Variants in SEMA5A observed in about 807,000 individuals in gnomAD.
The protein encoded by SEMA5A is semaphorin 5A, also known as semaphorin-5A.
SEMA5A carries 55 observed loss-of-function variants against 135.5 expected under a neutral mutation model. The observed-to-expected ratio is 0.41, with a 90% CI of 0.33 to 0.51. The LOEUF (loss-of-function observed/expected upper bound fraction) is 0.51. Ranked by LOEUF, SEMA5A falls within the 20% of genes least tolerant of loss-of-function variation. The pLI is 0.37. For missense variants in SEMA5A, 1,290 were observed against 1,419.9 expected (o/e 0.91, Z 1.47); for synonymous variants, 580 against 546.5 (o/e 1.06, Z -0.85).
chr5:9,235,877 G>A (rs1747881293), intron 6 of SEMA5A, among the ~76,000 whole-genome samples: 1 of 152,168 alleles, frequency 6.6e-6, no homozygotes, highest in South Asian at 2.1e-4. Flanking sequence ...GCTAATACCT[G>A]AGACTGGGTA....
rs1192101637 is a variant in SEMA5A, at chr5:9,041,388, G to A, written c.*1509C>T. On this transcript the variant is annotated 3_prime_UTR_variant, in exon 23 of 23. Transcript: ENST00000382496. ...CCCAGGACTTTATCACATGCTCAGA[G>A]GCATCAGATGAACTTTTTCAGTCGT... 6 of 152,116 alleles carry A rather than the reference G, an allele frequency of 3.9e-5. No individual in the cohort carries two copies. Among genetic ancestry groups the A allele is most frequent in the Admixed American group, 3.3e-4 (5 of 15,270 alleles). The allele number at this position is 152,116 out of a possible 1,614,324, so 9.4% of individuals were successfully genotyped here. A position where few individuals can be genotyped will look rare whatever the true frequency, so the allele number is the denominator to read the frequency against.
chr5:9,481,629 T>G (rs1442345543), intron 1 of SEMA5A, among the ~76,000 whole-genome samples: 1 of 152,238 alleles, frequency 6.6e-6, no homozygotes, highest in Non-Finnish European at 1.5e-5. Flanking sequence ...TTCTACCATA[T>G]ATTTTACTTC....
At chr5:9,227,717 A>AT (rs1332661793) in intron 6 of SEMA5A, among the ~76,000 whole-genome samples, 1 of 151,138 alleles carries the variant, frequency 6.6e-6, no homozygotes, top group Non-Finnish European at 1.5e-5. Context: ...CGCCCGGCCA[A>AT]TTTTTTGTAT....
chr5:9,152,460 G>A lies in SEMA5A; in HGVS notation c.1481+2028C>T, dbSNP rs1009677877. Among the ~76,000 whole-genome samples, 6 of 152,258 alleles carry A rather than the reference G, an allele frequency of 3.9e-5. No homozygotes were observed. In the East Asian group the frequency reaches 1.2e-3, roughly 29 times the overall value. ...AAATTTAGGAAGTAAGCATATATAAGAATGGCAGTTAATAAATACCACTAG... is the reference window on the plus strand; with the variant it reads ...AAATTTAGGAAGTAAGCATATATAAAAATGGCAGTTAATAAATACCACTAG... On this transcript the variant is annotated intron_variant, in intron 12 of 22. Transcript: ENST00000382496.
At chr5:9,318,568 T>G in intron 4 of SEMA5A, 151 bp from the exon 5 acceptor site, 1 of 646,842 alleles carries the variant, frequency 1.5e-6, no homozygotes, top group Non-Finnish European at 2.6e-6. Flanking sequence ...TCCTTGGATC[T>G]TAGAGTACAA....
chr5:9,513,177 G>GTT (rs143009689), intron 1 of SEMA5A, among the ~76,000 whole-genome samples: 4 of 151,032 alleles, frequency 2.6e-5, no homozygotes, highest in South Asian at 2.1e-4. Context: ...CTCAAGATAT[G>GTT]TTTTTTTAAA....
At chr5:9,226,995 A>AT (rs1747349535) in intron 6 of SEMA5A, 28 bp from the exon 7 acceptor site, 15 of 1,171,934 alleles carry the variant, frequency 1.3e-5, no homozygotes, top group East Asian at 1.3e-4. Flanking sequence ...AATTAATTAA[A>AT]AATATATATA....
chr5:9,073,658 T>A (rs1737889065), intron 16 of SEMA5A, among the ~76,000 whole-genome samples: 1 of 152,078 alleles, frequency 6.6e-6, no homozygotes, highest in Non-Finnish European at 1.5e-5. Context: ...AAGTAAGAAA[T>A]AATTATATTT....
chr5:9,084,685 G>C (rs1738583692), intron 16 of SEMA5A, among the ~76,000 whole-genome samples: 1 of 151,972 alleles, frequency 6.6e-6, no homozygotes, highest in Non-Finnish European at 1.5e-5. Flanking sequence ...CCTTGTCTTG[G>C]GTATGTCTTT....
intron 2 of SEMA5A, among the ~76,000 whole-genome samples, chr5:9,403,969 C>G (rs61187771): frequency 0.038 from 5,796 of 152,296 alleles, 147 homozygotes; most frequent in Middle Eastern, 0.089. Context: ...AAGTCTCGCT[C>G]TGTTGCCCAG....
intron 5 of SEMA5A, among the ~76,000 whole-genome samples, chr5:9,255,043 T>C (rs1748992077): frequency 6.6e-6 from 1 of 152,176 alleles, no homozygotes; most frequent in South Asian, 2.1e-4. Context: ...CAAAAGGTTA[T>C]GAATCTGATC....
At chr5:9,139,515 C>T (rs1334841538) in intron 12 of SEMA5A, among the ~76,000 whole-genome samples, 2 of 152,202 alleles carry the variant, frequency 1.3e-5, no homozygotes, top group African/African-American at 4.8e-5. Context: ...TAGGTTAAGG[C>T]TTAGCATAGA....
chr5:9,217,958 C>T (rs1746724670), intron 8 of SEMA5A, among the ~76,000 whole-genome samples: 1 of 152,062 alleles, frequency 6.6e-6, no homozygotes. Context: ...TAACTTCATT[C>T]CTATCCATAT....
At chr5:9,331,885 C>T (rs1421943018) in intron 4 of SEMA5A, among the ~76,000 whole-genome samples, 2 of 152,170 alleles carry the variant, frequency 1.3e-5, no homozygotes, top group Admixed American at 6.5e-5. Context: ...ATTAGCCAAA[C>T]AAATGGTTCA....
intron 18 of SEMA5A, 115 bp downstream of exon 18, chr5:9,062,772 T>G (rs1429308138): frequency 9.3e-7 from 1 of 1,077,210 alleles, no homozygotes; most frequent in African/African-American, 1.6e-5. Flanking sequence ...AGACATTTAT[T>G]AAGAACACAG....
intron 11 of SEMA5A, among the ~76,000 whole-genome samples, chr5:9,162,077 C>T (rs556714366): frequency 3.3e-5 from 5 of 152,310 alleles, no homozygotes; most frequent in East Asian, 1.9e-4. Context: ...AAAGCAATCA[C>T]GACCATTAGA....
chr5:9,453,063 C>T (rs1404093558), intron 1 of SEMA5A, among the ~76,000 whole-genome samples: 1 of 152,184 alleles, frequency 6.6e-6, no homozygotes, highest in African/African-American at 2.4e-5. Context: ...TAAACACGTA[C>T]TTTATACCTG....
At chr5:9,319,063 G>T (rs1752514053) in intron 4 of SEMA5A, among the ~76,000 whole-genome samples, 1 of 152,096 alleles carries the variant, frequency 6.6e-6, no homozygotes, top group African/African-American at 2.4e-5. Flanking sequence ...AGTTATCCAG[G>T]CATATTGGCT....
At chr5:9,395,143 T>A (rs1756333038) in intron 2 of SEMA5A, among the ~76,000 whole-genome samples, 1 of 152,148 alleles carries the variant, frequency 6.6e-6, no homozygotes, top group Non-Finnish European at 1.5e-5. Context: ...GTTTTATGGG[T>A]TAACCAGTGA....
Sources: allele counts gnomAD v4.1 joint callset (sites outside exome capture counted in the v4.1 genomes callset), GRCh38; gene constraint gnomAD v4.1.1; transcripts MANE v1.5; gene names NCBI Gene and HGNC (gene_info 2026-07-23, HGNC 2026-07-21).